PDE10A: variants seen among roughly 807,000 people sequenced by gnomAD.
The protein encoded by PDE10A is cAMP and cAMP-inhibited cGMP 3',5'-cyclic phosphodiesterase 10A.
A neutral mutation model predicts 97.7 loss-of-function variants in PDE10A; 39 were observed. The ratio of observed to expected loss-of-function variants is 0.40; its 90% CI spans 0.31 to 0.52. The LOEUF (loss-of-function observed/expected upper bound fraction) is 0.52, where lower values mean the gene tolerates loss of function less well. Ranked by LOEUF, PDE10A falls within the 20% of genes least tolerant of loss-of-function variation. The pLI is 0.56. For synonymous variants in PDE10A, 371 were observed against 376.8 expected, an observed-to-expected ratio of 0.98 and a Z score of 0.18; for missense variants, 731 against 1,047.8, an observed-to-expected ratio of 0.70 and a Z score of 4.17.
At chr6:165,722,022 A>G (rs1792178713) in intron 1 of PDE10A, among the ~76,000 whole-genome samples, 1 of 152,228 alleles carries the variant, frequency 6.6e-6, no homozygotes, top group Non-Finnish European at 1.5e-5. Flanking sequence ...TTTCTTAAAT[A>G]TGCACTTAGC....
chr6:165,448,842 T>C lies in PDE10A; in HGVS notation c.1194+86A>G, dbSNP rs1434678911. ...GATTTAAATGAAAAGTACTTAATCA[T>C]GAAATGTCGGTTGTTTATAACTTTT... On this transcript the variant is annotated intron_variant, in intron 5 of 21. Transcript: ENST00000539869. 8.6e-6 allele frequency: 7 copies of C among 811,888 alleles called. No individual in the cohort carries two copies. The African/African-American group carries it at 1.2e-4, about 14-fold the overall frequency. 50.3% of individuals were successfully genotyped at this position (811,888 alleles called of 1,614,324 possible).
intron 1 of PDE10A, among the ~76,000 whole-genome samples, chr6:165,590,233 A>G (rs567558105): frequency 5.9e-5 from 9 of 152,370 alleles, no homozygotes; most frequent in Admixed American, 4.6e-4. Flanking sequence ...CTCATTGGGT[A>G]GTCACATGTG....
chr6:165,547,955 CA>C (rs1783817436), intron 1 of PDE10A, among the ~76,000 whole-genome samples: 2 of 152,122 alleles, frequency 1.3e-5, no homozygotes, highest in Non-Finnish European at 2.9e-5. Flanking sequence ...CTTTCTTTTT[CA>C]GATGAAGATT....
At chr6:165,946,443 G>A (rs1032182202) in intron 1 of PDE10A, among the ~76,000 whole-genome samples, 9 of 151,302 alleles carry the variant, frequency 5.9e-5, no homozygotes, top group Non-Finnish European at 1.3e-4. Flanking sequence ...GCAGTGAGCC[G>A]AGATTGCGCC....
At chr6:165,365,319 C>G (rs181302053) in intron 18 of PDE10A, among the ~76,000 whole-genome samples, 19 of 151,948 alleles carry the variant, frequency 1.3e-4, no homozygotes, top group Non-Finnish European at 2.2e-4. Context: ...ATACATTGAC[C>G]AAGAGATGGA....
At chr6:165,714,321 C>T (rs879610566) in intron 1 of PDE10A, among the ~76,000 whole-genome samples, 1 of 152,192 alleles carries the variant, frequency 6.6e-6, no homozygotes, top group East Asian at 1.9e-4. Context: ...GTGGGGAAAG[C>T]GGGGAACAGG....
intron 1 of PDE10A, among the ~76,000 whole-genome samples, chr6:165,963,657 C>A (rs1055386282): frequency 6.6e-6 from 1 of 152,180 alleles, no homozygotes; most frequent in Non-Finnish European, 1.5e-5. Flanking sequence ...GGTGGGTGAC[C>A]GGAGGAAGGC....
At chr6:165,955,483 T>C (rs982162725) in intron 1 of PDE10A, among the ~76,000 whole-genome samples, 5 of 152,196 alleles carry the variant, frequency 3.3e-5, no homozygotes, top group African/African-American at 1.2e-4. Flanking sequence ...ATGTAAAGCC[T>C]GACATGGGAG....
At chr6:165,765,280 C>T (rs116814181) in intron 1 of PDE10A, among the ~76,000 whole-genome samples, 4,978 of 152,290 alleles carry the variant, frequency 0.033, 92 homozygotes, top group African/African-American at 0.11. Context: ...CCACGCCATG[C>T]GCTCTCACTC....
intron 1 of PDE10A, among the ~76,000 whole-genome samples, chr6:165,724,556 C>T (rs1792245884): frequency 6.6e-6 from 1 of 152,190 alleles, no homozygotes; most frequent in Non-Finnish European, 1.5e-5. Context: ...GGGCTTCGTC[C>T]TGTCACTTAG....
At chr6:165,428,032 A>G (rs1789288601) in intron 10 of PDE10A, among the ~76,000 whole-genome samples, 1 of 152,176 alleles carries the variant, frequency 6.6e-6, no homozygotes, top group Non-Finnish European at 1.5e-5. Context: ...AGTATGCATC[A>G]TAAAATCTCT....
chr6:165,664,875 C>T (rs1562672190), upstream of PDE10A, among the ~76,000 whole-genome samples: 1 of 152,246 alleles, frequency 6.6e-6, no homozygotes, highest in Non-Finnish European at 1.5e-5. Context: ...TTTGGAGTTA[C>T]TAAATCTATT....
At chr6:165,622,008 T>C (rs1040243634) in intron 1 of PDE10A, among the ~76,000 whole-genome samples, 2 of 152,164 alleles carry the variant, frequency 1.3e-5, no homozygotes, top group Admixed American at 6.5e-5. Flanking sequence ...GTAAAGCAGA[T>C]TACCCTCTAT....
At chr6:165,773,615 C>T (rs2128460329) in intron 1 of PDE10A, among the ~76,000 whole-genome samples, 1 of 152,276 alleles carries the variant, frequency 6.6e-6, no homozygotes, top group Middle Eastern at 3.4e-3. Flanking sequence ...AACAAGGCCC[C>T]TGACTCAAGC....
At position 165,808,382 on chromosome 6, in the gene PDE10A, CACAG is replaced by C. The variant is rs138180136; in HGVS notation, c.-615+179143_-615+179146del. On this transcript the variant is annotated intron_variant, in intron 1 of 19. Transcript: ENST00000366882. The stretch of plus-strand genomic sequence containing the variant: ...ACAAGTCAAGGAGTGAAGCGATTCA[CACAG>C]ACAGCGGGTGATGTCGCAGGAGGAG... Among the ~76,000 whole-genome samples the C allele has an allele frequency of 9.7e-3, 1,477 of 152,292 alleles. 23 individuals are homozygous for C. Among genetic ancestry groups the C allele is most frequent in the African/African-American group, 0.03 (1,265 of 41,554 alleles).
chr6:165,739,749 A>G (rs1045017994), intron 1 of PDE10A, among the ~76,000 whole-genome samples: 1 of 152,226 alleles, frequency 6.6e-6, no homozygotes, highest in South Asian at 2.1e-4. Context: ...TATCCAAAAT[A>G]GGTAAGGAAC....
At chr6:165,491,460 A>G (rs948510586) in intron 2 of PDE10A, among the ~76,000 whole-genome samples, 1 of 152,208 alleles carries the variant, frequency 6.6e-6, no homozygotes, top group African/African-American at 2.4e-5. Flanking sequence ...TCATCAGCAC[A>G]TGGAACTGTC....
intron 1 of PDE10A, among the ~76,000 whole-genome samples, chr6:165,913,951 G>A (rs1782536115): frequency 6.6e-6 from 1 of 152,188 alleles, no homozygotes; most frequent in African/African-American, 2.4e-5. Context: ...ACAAGTTCCA[G>A]GACATAAGGG....
intron 1 of PDE10A, among the ~76,000 whole-genome samples, chr6:165,688,001 C>T (rs747165770): frequency 2.0e-5 from 3 of 152,302 alleles, no homozygotes; most frequent in South Asian, 2.1e-4. Flanking sequence ...CCACGGCTCA[C>T]GCCCAGAACT....
Sources: gnomAD v4.1 joint callset for allele counts (sites outside exome capture counted in the v4.1 genomes callset) on GRCh38, gnomAD v4.1.1 for gene constraint, MANE v1.5 for transcripts, NCBI Gene and HGNC (gene_info 2026-07-23, HGNC 2026-07-21) for gene names.